Variants in PCDHGB3 observed in about 807,000 individuals in gnomAD.
PCDHGB3 encodes the protein protocadherin gamma-B3.
In PCDHGB3, 40 loss-of-function variants were observed where a neutral mutation model predicts 59.2. The observed-to-expected ratio is 0.68, with a 90% CI of 0.52 to 0.88. The LOEUF (loss-of-function observed/expected upper bound fraction) is 0.88, where lower values mean the gene tolerates loss of function less well. Among genes scored for constraint, PCDHGB3 ranks in the 40% least tolerant of loss-of-function variants. The pLI, the probability that PCDHGB3 is intolerant of heterozygous loss-of-function variation, is 0.00. For missense variants in PCDHGB3, 1,309 were observed against 1,187.9 expected, an observed-to-expected ratio of 1.10 and a Z score of -1.50; for synonymous variants, 581 against 503.6, an observed-to-expected ratio of 1.15 and a Z score of -2.06.
chr5:141,391,071 T>C (rs905482954), intron 1 of PCDHGB3: 2 of 152,220 alleles, frequency 1.3e-5, no homozygotes, highest in African/African-American at 4.8e-5. Context: ...CCCTAATATA[T>C]AATGTGTAAC....
chr5:141,444,240 C>A (rs1017550385), intron 1 of PCDHGB3, among the ~76,000 whole-genome samples: 1 of 128,688 alleles, frequency 7.8e-6, no homozygotes, highest in Admixed American at 9.7e-5. Flanking sequence ...GGCATGCTCT[C>A]GGCTCACTGC....
chr5:141,417,754 C>A, intron 1 of PCDHGB3: 2 of 1,431,302 alleles, frequency 1.4e-6, no homozygotes, highest in Non-Finnish European at 1.8e-6. Flanking sequence ...TTGCCAGCTC[C>A]GAGACCCGGG....
chr5:141,370,840 G>C lies in PCDHGB3; in HGVS notation c.446G>C (p.Gly149Ala). 2 of 1,614,022 alleles carry C rather than the reference G, an allele frequency of 1.2e-6. No homozygotes were observed. Among genetic ancestry groups the C allele is most frequent in the Non-Finnish European group, 1.7e-6 (2 of 1,179,900 alleles). The change falls in exon 1 of 4, where the codon GGA becomes GCA. Residue 149 changes from glycine to alanine, a missense_variant. Gly to Ala is a moderately conservative substitution (Grantham distance 60, BLOSUM62 0). Transcript: ENST00000576222. ...ELEISELALT[G>A]ATFALESAQD... ...GAAATCAGCGAACTGGCTCTCACTG[G>C]AGCCACATTTGCCCTGGAATCTGCG...
intron 1 of PCDHGB3, chr5:141,387,691 G>C (rs1032902954): frequency 3.3e-5 from 28 of 840,822 alleles, no homozygotes; most frequent in Non-Finnish European, 4.7e-5. Context: ...GCCGCAGCGC[G>C]CTTTCCAGGG....
chr5:141,395,646 C>T (rs1174950813), intron 1 of PCDHGB3: 2 of 167,832 alleles, frequency 1.2e-5, no homozygotes, highest in Non-Finnish European at 2.5e-5. Flanking sequence ...TTGTTATTAG[C>T]TTAGCAAAAG....
intron 1 of PCDHGB3, among the ~76,000 whole-genome samples, chr5:141,467,304 C>T (rs567912553): frequency 2.0e-5 from 3 of 152,266 alleles, no homozygotes; most frequent in Admixed American, 6.5e-5. Flanking sequence ...CCACTCACCT[C>T]GGCCTCCCAC....
chr5:141,451,095 T>G (rs1158753327), intron 1 of PCDHGB3, among the ~76,000 whole-genome samples: 2 of 152,180 alleles, frequency 1.3e-5, no homozygotes, highest in African/African-American at 4.8e-5. Context: ...CCCAAAGTGT[T>G]GGGATTACAG....
intron 1 of PCDHGB3, chr5:141,419,579 C>A: frequency 6.2e-7 from 1 of 1,611,812 alleles, no homozygotes; most frequent in Non-Finnish European, 8.5e-7. Flanking sequence ...CGGCTCCGCG[C>A]TCTTCGACAC....
chr5:141,423,746 T>G, intron 1 of PCDHGB3: 2 of 384,794 alleles, frequency 5.2e-6, no homozygotes, highest in Non-Finnish European at 6.6e-6. Flanking sequence ...TTATGAAAAC[T>G]GTTTGGGGGG....
chr5:141,394,741 T>G (rs767167411), intron 1 of PCDHGB3: 5 of 1,613,414 alleles, frequency 3.1e-6, no homozygotes, highest in Non-Finnish European at 4.2e-6. Context: ...CAGAGCCTCG[T>G]GGTGGCCGTC....
At chr5:141,429,726 C>T (rs931967000) in intron 1 of PCDHGB3, among the ~76,000 whole-genome samples, 23 of 152,068 alleles carry the variant, frequency 1.5e-4, no homozygotes, top group Admixed American at 1.3e-4. Flanking sequence ...CATGAAAGTA[C>T]GTAGCCAGTT....
intron 1 of PCDHGB3, among the ~76,000 whole-genome samples, chr5:141,443,082 C>A (rs958408385): frequency 6.6e-6 from 1 of 151,624 alleles, no homozygotes; most frequent in African/African-American, 2.4e-5. Flanking sequence ...ACTGAGTGTT[C>A]CAGTCTCCTT....
At chr5:141,384,666 C>T in intron 1 of PCDHGB3, 1 of 1,614,220 alleles carries the variant, frequency 6.2e-7, no homozygotes, top group Non-Finnish European at 8.5e-7. Flanking sequence ...ACCTGGTGAC[C>T]AAGGTGGTGG....
intron 1 of PCDHGB3, chr5:141,390,929 T>C (rs1296144036): frequency 1.3e-5 from 2 of 152,314 alleles, no homozygotes; most frequent in African/African-American, 4.8e-5. Context: ...ACTATGCTCA[T>C]TAGAAGATCA....
chr5:141,482,891 G>A (rs1594277958), intron 1 of PCDHGB3, among the ~76,000 whole-genome samples: 2 of 152,168 alleles, frequency 1.3e-5, no homozygotes, highest in East Asian at 3.8e-4. Flanking sequence ...GGCCAACATG[G>A]TGAAACCTCA....
chr5:141,457,937 G>A (rs916509260), intron 1 of PCDHGB3, among the ~76,000 whole-genome samples: 1 of 152,166 alleles, frequency 6.6e-6, no homozygotes, highest in African/African-American at 2.4e-5. Flanking sequence ...GGCTTTTATT[G>A]GCTCTGCATG....
In PCDHGB3 at chr5:141,486,600, C is replaced by G. The variant is rs748395954; in HGVS notation, c.2416-8207C>G. Reference sequence around the variant, plus strand: ...AATCGCCCAGGGGACCTGCTTTGCTCCCTTGCAGCCTCTGACCCAGACTCT... The same window carrying G: ...AATCGCCCAGGGGACCTGCTTTGCTGCCTTGCAGCCTCTGACCCAGACTCT... On this transcript the variant is annotated intron_variant, in intron 1 of 3. Transcript: ENST00000576222. This position sits in a 1 kb window ranked among gnomAD's most constrained non-coding sequence, Gnocchi z 5.0. 21 of 1,613,602 alleles carry G rather than the reference C, an allele frequency of 1.3e-5. No individual in the cohort carries two copies. Among genetic ancestry groups the G allele is most frequent in the South Asian group, 2.2e-5 (2 of 91,086 alleles).
intron 1 of PCDHGB3, chr5:141,419,094 G>A (rs1241481126): frequency 2.5e-6 from 4 of 1,613,776 alleles, no homozygotes; most frequent in South Asian, 1.1e-5. Flanking sequence ...GCCCTGGATC[G>A]GGAGCAGACC....
rs757761874 is a variant in PCDHGB3 at position 141,375,430 on chromosome 5, G to A, written c.2415+2621G>A. 34 of 1,613,728 alleles carry A rather than the reference G, an allele frequency of 2.1e-5. No individual in the cohort carries two copies. The Admixed American group carries it at 5.2e-4, about 25-fold the overall frequency. ...ATGTGGCAGACACCAACGACAACCC[G>A]CCCACCTTCCCCCATTCATCCTACT... On this transcript the variant is annotated intron_variant, in intron 1 of 3. Transcript: ENST00000576222.
Sources: allele counts gnomAD v4.1 joint callset (sites outside exome capture counted in the v4.1 genomes callset), GRCh38; gene constraint gnomAD v4.1.1; non-coding constraint Gnocchi (gnomAD v3.1); transcripts MANE v1.5; gene names NCBI Gene and HGNC (gene_info 2026-07-23, HGNC 2026-07-21).